The following CSMD1 variants were observed in gnomAD, a reference collection of about 807,000 sequenced individuals.
CSMD1 encodes the protein CUB and Sushi multiple domains 1.
Under a neutral mutation model 417.5 loss-of-function variants are expected in CSMD1, and 213 were observed. That is an observed-to-expected ratio of 0.51 (90% CI 0.46 to 0.57). The LOEUF (loss-of-function observed/expected upper bound fraction) is 0.57. Among genes scored for constraint, CSMD1 ranks in the 20% least tolerant of loss-of-function variants. The probability of loss-of-function intolerance (pLI) is 0.00; values close to 1 mark genes in which losing one functional copy is unlikely to be tolerated. For missense variants in CSMD1, 6,923 were observed against 4,529.7 expected (o/e 1.53, Z -15.17); for synonymous variants, 2,862 against 1,736.8 (o/e 1.65, Z -16.11).
intron 3 of CSMD1, among the ~76,000 whole-genome samples, chr8:4,179,395 A>G (rs1173300738): frequency 2.0e-5 from 3 of 152,158 alleles, no homozygotes; most frequent in Non-Finnish European, 4.4e-5. Context: ...CTGAAGCTGG[A>G]TCCCTTCCTT....
At chr8:3,176,250 TTCTTAATTAGAGGGAAC>T (rs1820929454) in intron 37 of CSMD1, among the ~76,000 whole-genome samples, 1 of 152,210 alleles carries the variant, frequency 6.6e-6, no homozygotes, top group African/African-American at 2.4e-5. Flanking sequence ...TGGAAAGCAA[TTCTTAATTAGAGGGAAC>T]CATTCTGCTA....
intron 3 of CSMD1, among the ~76,000 whole-genome samples, chr8:4,043,378 C>T (rs1028499062): frequency 1.3e-5 from 2 of 152,098 alleles, no homozygotes; most frequent in African/African-American, 4.8e-5. Context: ...AAATTAAATA[C>T]AGCCACACCA....
intron 3 of CSMD1, among the ~76,000 whole-genome samples, chr8:4,289,531 A>G (rs1000034869): frequency 2.6e-5 from 4 of 152,146 alleles, no homozygotes; most frequent in African/African-American, 7.2e-5. Context: ...AAGATGTAAC[A>G]CTTTCAGATC....
Position 2,963,230 on chromosome 8 carries a change from T to C in CSMD1, c.9446A>G (p.Gln3149Arg), listed in dbSNP as rs1348193808. ...TCTGCTGTAGAACTTACGGAGACAC[T>C]GGGGGATCTCTCCTTTCCACACCCC... ...GRGVWKGEIP[Q>R]CLPVFCGDPG... Residue 3149 changes from glutamine to arginine, a missense_variant, in exon 60 of 70, where the codon CAG becomes CGG. Transcript: ENST00000635120. 4 of 1,613,900 alleles carry C rather than the reference T, an allele frequency of 2.5e-6. No individual in the cohort carries two copies. The highest frequency in any genetic ancestry group is 1.1e-5 in the South Asian group (1 of 91,082).
chr8:3,128,515 T>A (rs1466535434), intron 41 of CSMD1: 3 of 258,118 alleles, frequency 1.2e-5, no homozygotes, highest in Non-Finnish European at 2.3e-5. Context: ...TGCATCTTCT[T>A]AGGAGTTATT....
chr8:4,293,242 C>T (rs990302336), intron 3 of CSMD1, among the ~76,000 whole-genome samples: 6 of 152,268 alleles, frequency 3.9e-5, no homozygotes, highest in South Asian at 4.1e-4. Flanking sequence ...ACTCCAAGGG[C>T]ACAGAGTCGT....
chr8:4,745,462 C>A (rs1450268831), intron 1 of CSMD1, among the ~76,000 whole-genome samples: 1 of 152,158 alleles, frequency 6.6e-6, no homozygotes, highest in Non-Finnish European at 1.5e-5. Context: ...CTCTTAGATA[C>A]TATTTAACAC....
chr8:4,036,724 T>C (rs568690832), intron 3 of CSMD1, among the ~76,000 whole-genome samples: 1 of 152,230 alleles, frequency 6.6e-6, no homozygotes, highest in Non-Finnish European at 1.5e-5. Flanking sequence ...CTTTTGCAGA[T>C]GCAGTTGCAG....
chr8:4,159,149 C>A (rs910933422), intron 3 of CSMD1, among the ~76,000 whole-genome samples: 1 of 152,128 alleles, frequency 6.6e-6, no homozygotes, highest in African/African-American at 2.4e-5. Flanking sequence ...CTCCCAACTT[C>A]AGGTAATCCA....
At chr8:4,536,287 T>TA (rs989875502) in intron 2 of CSMD1, among the ~76,000 whole-genome samples, 3 of 152,124 alleles carry the variant, frequency 2.0e-5, no homozygotes, top group South Asian at 2.1e-4. Context: ...CATGTTCTAT[T>TA]AAAAAAAATC....
intron 3 of CSMD1, among the ~76,000 whole-genome samples, chr8:4,316,285 A>G (rs1311424056): frequency 2.0e-5 from 3 of 152,162 alleles, no homozygotes; most frequent in African/African-American, 4.8e-5. Context: ...TGTGATCTGT[A>G]AGATATCTCA....
chr8:3,514,381 A>G (rs982341860), intron 10 of CSMD1, among the ~76,000 whole-genome samples: 3 of 152,192 alleles, frequency 2.0e-5, no homozygotes, highest in Admixed American at 6.5e-5. Context: ...ACACCTAGCA[A>G]TACAACATGC....
intron 7 of CSMD1, among the ~76,000 whole-genome samples, chr8:3,698,688 A>T (rs1393066573): frequency 6.6e-6 from 1 of 152,230 alleles, no homozygotes; most frequent in African/African-American, 2.4e-5. Context: ...GTATTCCTTA[A>T]TAATATTATT....
intron 1 of CSMD1, among the ~76,000 whole-genome samples, chr8:4,893,902 G>T (rs186803322): frequency 6.6e-6 from 1 of 152,048 alleles, no homozygotes; most frequent in Non-Finnish European, 1.5e-5. Context: ...AACCAAGGGG[G>T]CGGGGCAATG....
chr8:4,664,776 G>T (rs1804812224), intron 1 of CSMD1, among the ~76,000 whole-genome samples: 2 of 151,946 alleles, frequency 1.3e-5, no homozygotes, highest in Non-Finnish European at 2.9e-5. Flanking sequence ...CACATAGTTT[G>T]GAACTATGGA....
chr8:4,301,986 A>G (rs935684648), intron 3 of CSMD1, among the ~76,000 whole-genome samples: 4 of 152,206 alleles, frequency 2.6e-5, no homozygotes, highest in Admixed American at 6.5e-5. Context: ...TCCTGTTCAG[A>G]TATGTTAGAA....
At chr8:4,020,158 C>A (rs957681903) in intron 4 of CSMD1, among the ~76,000 whole-genome samples, 1 of 152,072 alleles carries the variant, frequency 6.6e-6, no homozygotes, top group East Asian at 1.9e-4. Flanking sequence ...GCCATTTAAT[C>A]TTTACAACAG....
chr8:3,853,972 T>C (rs1008648716), intron 5 of CSMD1, among the ~76,000 whole-genome samples: 1 of 139,634 alleles, frequency 7.2e-6, no homozygotes, highest in African/African-American at 2.6e-5. Flanking sequence ...ATATATCATG[T>C]CAATATATTT....
chr8:4,751,483 C>G (rs1451927475), intron 1 of CSMD1, among the ~76,000 whole-genome samples: 3 of 151,952 alleles, frequency 2.0e-5, no homozygotes, highest in Non-Finnish European at 4.4e-5. Context: ...TAAAAAGTGT[C>G]CTGGATTTTG....
Sources: gnomAD v4.1 joint callset for allele counts (sites outside exome capture counted in the v4.1 genomes callset) on GRCh38, gnomAD v4.1.1 for gene constraint, MANE v1.5 for transcripts, NCBI Gene and HGNC (gene_info 2026-07-23, HGNC 2026-07-21) for gene names.